KCNB2: variants seen among roughly 807,000 people sequenced by gnomAD.
The protein encoded by KCNB2 is delayed rectifier potassium channel protein.
A neutral mutation model predicts 61.5 loss-of-function variants in KCNB2; 15 were observed. That is an observed-to-expected ratio of 0.24 (90% CI 0.16 to 0.38). KCNB2 has a LOEUF of 0.38. KCNB2 is among the 10% of genes least tolerant of loss of function. KCNB2 has a pLI of 1.00. For synonymous variants in KCNB2, 457 were observed against 446.0 expected, an observed-to-expected ratio of 1.02 and a Z score of -0.31; for missense variants, 828 against 1,125.2, an observed-to-expected ratio of 0.74 and a Z score of 3.78.
intron 2 of KCNB2, among the ~76,000 whole-genome samples, chr8:72,651,645 T>G (rs1206403694): frequency 6.6e-6 from 1 of 152,070 alleles, no homozygotes; most frequent in South Asian, 2.1e-4. Flanking sequence ...TAGATAATCA[T>G]AGTCAATTCC....
At chr8:72,594,645 A>C (rs946409734) in intron 2 of KCNB2, among the ~76,000 whole-genome samples, 1 of 152,174 alleles carries the variant, frequency 6.6e-6, no homozygotes, top group Non-Finnish European at 1.5e-5. Flanking sequence ...CTATGCTCAT[A>C]ACACAGCAGC....
At chr8:72,589,868 A>G (rs12334956) in intron 2 of KCNB2, among the ~76,000 whole-genome samples, 9,289 of 152,310 alleles carry the variant, frequency 0.061, 389 homozygotes, top group South Asian at 0.17. Context: ...AAGGGCAGGC[A>G]TGTGACCACT....
chr8:72,547,458 C>T (rs1806275676), intron 1 of KCNB2, among the ~76,000 whole-genome samples: 1 of 152,136 alleles, frequency 6.6e-6, no homozygotes, highest in African/African-American at 2.4e-5. Context: ...ATTCTAGATG[C>T]CATTAAGAAC....
At chr8:72,662,916 G>A (rs899021738) in intron 2 of KCNB2, among the ~76,000 whole-genome samples, 1 of 152,154 alleles carries the variant, frequency 6.6e-6, no homozygotes, top group Non-Finnish European at 1.5e-5. Flanking sequence ...TTTGAATATG[G>A]TGAAATGTTT....
chr8:72,772,620 G>A (rs1334722692), intron 2 of KCNB2, among the ~76,000 whole-genome samples: 1 of 152,082 alleles, frequency 6.6e-6, no homozygotes, highest in Admixed American at 6.6e-5. Context: ...TAAGCACCAG[G>A]TCTTTTCTGG....
intron 2 of KCNB2, among the ~76,000 whole-genome samples, chr8:72,708,988 G>A (rs893786913): frequency 3.3e-5 from 5 of 152,126 alleles, no homozygotes; most frequent in Non-Finnish European, 5.9e-5. Context: ...ATGTAACTTG[G>A]CTATATATCC....
intron 1 of KCNB2, among the ~76,000 whole-genome samples, chr8:72,561,257 G>T (rs1806506770): frequency 6.6e-6 from 1 of 151,206 alleles, no homozygotes; most frequent in Non-Finnish European, 1.5e-5. Context: ...CCCAGGTTCT[G>T]GCAATTCTCC....
chr8:72,897,230 T>C (rs1359854695), intron 2 of KCNB2, among the ~76,000 whole-genome samples: 1 of 151,950 alleles, frequency 6.6e-6, no homozygotes, highest in African/African-American at 2.4e-5. Flanking sequence ...TTTTACTCTG[T>C]AGATAATAGA....
At chr8:72,886,800 G>A (rs1291405133) in intron 2 of KCNB2, among the ~76,000 whole-genome samples, 1 of 152,234 alleles carries the variant, frequency 6.6e-6, no homozygotes, top group Non-Finnish European at 1.5e-5. Flanking sequence ...GTGGCAGCTG[G>A]CACATTGTGA....
chr8:72,725,545 G>GTATA (rs1238625545), intron 2 of KCNB2, among the ~76,000 whole-genome samples: 2 of 63,722 alleles, frequency 3.1e-5, no homozygotes, highest in Non-Finnish European at 7.0e-5. Flanking sequence ...ATATATGTGT[G>GTATA]TATATATATA....
intron 1 of KCNB2, among the ~76,000 whole-genome samples, chr8:72,549,996 G>A (rs1212991655): frequency 6.6e-6 from 1 of 152,172 alleles, no homozygotes; most frequent in East Asian, 1.9e-4. Context: ...CTGGGGCCCA[G>A]GTACCAGCCA....
At chr8:72,602,258 G>C (rs565594931) in intron 2 of KCNB2, among the ~76,000 whole-genome samples, 2 of 152,166 alleles carry the variant, frequency 1.3e-5, no homozygotes, top group Non-Finnish European at 2.9e-5. Flanking sequence ...TGAGTGGTCT[G>C]TTGTGATTGT....
intron 2 of KCNB2, among the ~76,000 whole-genome samples, chr8:72,841,372 C>CTTTTTTT (rs769263287): frequency 2.5e-3 from 84 of 34,188 alleles, no homozygotes; most frequent in African/African-American, 5.4e-3. Flanking sequence ...TTTTTTTTTT[C>CTTTTTTT]TTTTTTTTTT....
At chr8:72,726,268 G>C (rs945993361) in intron 2 of KCNB2, among the ~76,000 whole-genome samples, 1 of 152,158 alleles carries the variant, frequency 6.6e-6, no homozygotes, top group Non-Finnish European at 1.5e-5. Flanking sequence ...ATCAGGAAGA[G>C]ACCCCTCAGC....
chr8:72,567,685 T>C lies in KCNB2; in HGVS notation c.-50T>C. The C allele has an allele frequency of 3.8e-6, 5 of 1,309,024 alleles. No individual in the cohort carries two copies. Among genetic ancestry groups the C allele is most frequent in the Non-Finnish European group, 5.2e-6 (5 of 956,874 alleles). 81.1% of individuals were successfully genotyped at this position (1,309,024 alleles called of 1,614,324 possible). On this transcript the variant is annotated 5_prime_UTR_variant, in exon 2 of 3. Transcript: ENST00000523207. ...CTGCCCCAGAGGGATATTGCTTCAG[T>C]TGACCTCATTTTTTAAGGACCCTGG...
chr8:72,555,063 G>A (rs982007552), intron 1 of KCNB2, among the ~76,000 whole-genome samples: 3 of 151,980 alleles, frequency 2.0e-5, no homozygotes, highest in African/African-American at 7.2e-5. Flanking sequence ...GTCTTATAAG[G>A]TCAAGAACAT....
At chr8:72,749,119 T>TTTTATTTA (rs568682311) in intron 2 of KCNB2, among the ~76,000 whole-genome samples, 2 of 152,062 alleles carry the variant, frequency 1.3e-5, no homozygotes, top group Admixed American at 1.3e-4. Flanking sequence ...TTCGTTTTCA[T>TTTTATTTA]TTTATTTATT....
chr8:72,861,585 A>C (rs772914641), intron 2 of KCNB2, among the ~76,000 whole-genome samples: 7 of 152,120 alleles, frequency 4.6e-5, no homozygotes, highest in Non-Finnish European at 7.4e-5. Context: ...ATGTAGGAGG[A>C]GGCCCGAGCT....
intron 2 of KCNB2, among the ~76,000 whole-genome samples, chr8:72,596,505 T>A (rs1807192516): frequency 1.3e-5 from 2 of 152,184 alleles, no homozygotes; most frequent in Admixed American, 6.5e-5. Context: ...ATTATGCATA[T>A]AATGTTTGAA....
Sources: gnomAD v4.1 joint callset for allele counts (sites outside exome capture counted in the v4.1 genomes callset) on GRCh38, gnomAD v4.1.1 for gene constraint, MANE v1.5 for transcripts, NCBI Gene and HGNC (gene_info 2026-07-23, HGNC 2026-07-21) for gene names.